TXNDC8: variants seen among roughly 807,000 people sequenced by gnomAD.
The protein encoded by TXNDC8 is thioredoxin domain-containing protein 8.
TXNDC8 carries 15 observed loss-of-function variants against 12.9 expected under a neutral mutation model. The observed-to-expected ratio is 1.16, with a 90% CI of 0.78 to 1.79. The LOEUF is 1.79. TXNDC8 is among the 40% of genes most tolerant of loss of function. The pLI, the probability that TXNDC8 is intolerant of heterozygous loss-of-function variation, is 0.00. For missense variants in TXNDC8, 128 were observed against 113.2 expected (o/e 1.13, Z -0.59); for synonymous variants, 40 against 35.4 (o/e 1.13, Z -0.46).
chr9:110,318,446 T>A (rs554334707), intron 3 of TXNDC8, among the ~76,000 whole-genome samples: 1 of 152,248 alleles, frequency 6.6e-6, no homozygotes, highest in South Asian at 2.1e-4. Context: ...GGTAAAAAAT[T>A]TAAGGGGTGG....
chr9:110,336,591 A>G (rs1200965330), intron 1 of TXNDC8, among the ~76,000 whole-genome samples: 1 of 152,200 alleles, frequency 6.6e-6, no homozygotes, highest in Non-Finnish European at 1.5e-5. Context: ...GGCCTATACT[A>G]TGCCAGCTAC....
At chr9:110,324,024 A>T in intron 3 of TXNDC8, 5 of 1,547,586 alleles carry the variant, frequency 3.2e-6, no homozygotes, top group Non-Finnish European at 4.4e-6. Context: ...ATGGGATAAG[A>T]ATGCAAAAGG....
rs367639847 is a variant in TXNDC8, at chr9:110,307,692, A to G, written c.196-3160T>C. Among the ~76,000 whole-genome samples the G allele has an allele frequency of 7.2e-5, 11 of 152,338 alleles. No homozygotes were observed. In the East Asian group the frequency reaches 1.9e-3, roughly 27 times the overall value. ...CCTCTCCACTCACTGAGATAAATGCATATCTGATTGCCTCCTTTGGAAATG... is the reference window on the plus strand; with the variant it reads ...CCTCTCCACTCACTGAGATAAATGCGTATCTGATTGCCTCCTTTGGAAATG... On this transcript the variant is annotated intron_variant, in intron 3 of 4. Coordinates refer to ENST00000423740, the MANE Select transcript of TXNDC8 (RefSeq NM_001286946.2).
At chr9:110,311,353 A>C (rs534732333) in intron 3 of TXNDC8, among the ~76,000 whole-genome samples, 2 of 151,426 alleles carry the variant, frequency 1.3e-5, no homozygotes, top group African/African-American at 4.8e-5. Context: ...TTTTCAATAA[A>C]AATATATTGT....
intron 1 of TXNDC8, among the ~76,000 whole-genome samples, chr9:110,337,142 A>T (rs1839787136): frequency 6.6e-6 from 1 of 152,158 alleles, no homozygotes; most frequent in African/African-American, 2.4e-5. Context: ...GGTGGACATG[A>T]GGCTCAGGCC....
rs568341622 is a variant in TXNDC8, at chr9:110,314,438, C to CTTT, written c.196-9909_196-9907dup. On this transcript the variant is annotated intron_variant, in intron 3 of 4. Coordinates refer to ENST00000423740, the MANE Select transcript of TXNDC8 (RefSeq NM_001286946.2). ...TTTTTTCTTTTTCTTTTTCTTTTTT[C>CTTT]TTTTTTTTTTTTGAGATGGAGTCTC... Among the ~76,000 whole-genome samples the CTTT allele has an allele frequency of 3.2e-5, 4 of 124,670 alleles. No homozygotes were observed. The East Asian group carries it at 6.2e-4, about 19-fold the overall frequency. The allele number at this position is 124,670 out of a possible 152,430, so 81.8% of individuals were successfully genotyped here.
intron 3 of TXNDC8, among the ~76,000 whole-genome samples, chr9:110,320,084 C>G (rs1016377557): frequency 6.6e-6 from 1 of 152,170 alleles, no homozygotes; most frequent in African/African-American, 2.4e-5. Context: ...ATTCTATAAT[C>G]AAAGAATGAA....
intron 3 of TXNDC8, among the ~76,000 whole-genome samples, chr9:110,311,521 G>GA (rs1491185921): frequency 2.4e-5 from 1 of 41,220 alleles, no homozygotes; most frequent in Admixed American, 2.5e-4. Context: ...AAATAAAGAG[G>GA]TATATATATA....
chr9:110,328,524 A>G (rs1839426199), intron 2 of TXNDC8, among the ~76,000 whole-genome samples: 1 of 152,204 alleles, frequency 6.6e-6, no homozygotes, highest in South Asian at 2.1e-4. Context: ...TTGATTAACA[A>G]GGCTGGATGC....
chr9:110,306,532 C>T (rs1302119394), intron 3 of TXNDC8, among the ~76,000 whole-genome samples: 1 of 152,142 alleles, frequency 6.6e-6, no homozygotes, highest in East Asian at 1.9e-4. Context: ...TCCTGTCTCC[C>T]TCCCTGTTGC....
rs941046578 is a variant in TXNDC8, at chr9:110,319,405, A to G, written c.195+6770T>C. 2.0e-5 allele frequency among the ~76,000 whole-genome samples: 3 copies of G among 152,254 alleles called. No individual in the cohort carries two copies. The South Asian group carries it at 6.2e-4, about 32-fold the overall frequency. On this transcript the variant is annotated intron_variant, in intron 3 of 4. Coordinates refer to ENST00000423740, the MANE Select transcript of TXNDC8 (RefSeq NM_001286946.2). ...ACAGCTAGATCCTGGGACTCTAATG[A>G]TAGCTACATCTTCTAGTATTTACCA...
At chr9:110,307,748 T>G (rs1258250423) in intron 3 of TXNDC8, among the ~76,000 whole-genome samples, 1 of 152,170 alleles carries the variant, frequency 6.6e-6, no homozygotes, top group Admixed American at 6.5e-5. Flanking sequence ...ATGTAACCAT[T>G]TGTCTTTTAT....
chr9:110,328,491 T>A (rs955533983), intron 2 of TXNDC8, among the ~76,000 whole-genome samples: 1 of 152,308 alleles, frequency 6.6e-6, no homozygotes, highest in Admixed American at 6.5e-5. Context: ...ATGTCTGTAA[T>A]GCACTGAGGT....
chr9:110,337,659 G>T (rs2118896855), intron 1 of TXNDC8, 114 bp downstream of exon 1: 1 of 975,836 alleles, frequency 1.0e-6, no homozygotes, highest in Non-Finnish European at 1.6e-6. Flanking sequence ...CTCTCCCCTT[G>T]CTACAATGCA....
At chr9:110,318,982 G>A (rs200469568) in intron 3 of TXNDC8, among the ~76,000 whole-genome samples, 1 of 152,198 alleles carries the variant, frequency 6.6e-6, no homozygotes. Context: ...AAAGCAGAGA[G>A]CAGCATCTTT....
chr9:110,323,879 T>TA (rs1839206167), intron 3 of TXNDC8: 2 of 1,550,472 alleles, frequency 1.3e-6, no homozygotes, highest in Non-Finnish European at 1.7e-6. Context: ...GTTATTTACC[T>TA]AGCTGCTTAA....
At chr9:110,321,657 A>G (rs1393394078) in intron 3 of TXNDC8, among the ~76,000 whole-genome samples, 2 of 151,306 alleles carry the variant, frequency 1.3e-5, no homozygotes, top group Non-Finnish European at 2.9e-5. Context: ...AAAAAAGTGC[A>G]TTTGATTTTT....
chr9:110,328,367 A>G (rs117110990), intron 2 of TXNDC8, among the ~76,000 whole-genome samples: 2,562 of 152,316 alleles, frequency 0.017, 37 homozygotes, highest in Non-Finnish European at 0.026. Flanking sequence ...GGATGGGATG[A>G]GGAAGGATGG....
chr9:110,304,052 C>T (rs1365561194), intron 4 of TXNDC8, among the ~76,000 whole-genome samples: 2 of 152,166 alleles, frequency 1.3e-5, no homozygotes, highest in East Asian at 3.8e-4. Flanking sequence ...ATGTTTACAT[C>T]TCTGAATCAG....
Sources: gnomAD v4.1 joint callset for allele counts (sites outside exome capture counted in the v4.1 genomes callset) on GRCh38, gnomAD v4.1.1 for gene constraint, MANE v1.5 for transcripts, NCBI Gene and HGNC (gene_info 2026-07-23, HGNC 2026-07-21) for gene names.